LRRTM4: variants seen among roughly 807,000 people sequenced by gnomAD.
LRRTM4 encodes leucine rich repeat transmembrane neuronal 4.
In LRRTM4, 25 loss-of-function variants were observed where a neutral mutation model predicts 47.6. The ratio of observed to expected loss-of-function variants is 0.53; its 90% confidence interval spans 0.38 to 0.73. The LOEUF is 0.73. Ranked by LOEUF, LRRTM4 falls within the 30% of genes least tolerant of loss-of-function variation. LRRTM4 has a pLI of 0.00. For synonymous variants in LRRTM4, 311 were observed against 269.5 expected (o/e 1.15, Z -1.51); for missense variants, 638 against 713.4 (o/e 0.89, Z 1.20).
intron 3 of LRRTM4, among the ~76,000 whole-genome samples, chr2:77,222,702 G>C (rs1244752776): frequency 6.6e-6 from 1 of 152,144 alleles, no homozygotes; most frequent in Non-Finnish European, 1.5e-5. Flanking sequence ...CTCCGAAATT[G>C]AGGCAATAAT....
intron 3 of LRRTM4, among the ~76,000 whole-genome samples, chr2:77,254,387 A>C (rs1675705829): frequency 6.6e-6 from 1 of 151,924 alleles, no homozygotes; most frequent in South Asian, 2.1e-4. Flanking sequence ...AACAAAACAA[A>C]ACAAAAGTGA....
chr2:76,817,880 G>A (rs1254683663), intron 3 of LRRTM4, among the ~76,000 whole-genome samples: 1 of 151,840 alleles, frequency 6.6e-6, no homozygotes, highest in African/African-American at 2.4e-5. Flanking sequence ...GAAAAGATTG[G>A]TTTTCTTCTC....
intron 3 of LRRTM4, among the ~76,000 whole-genome samples, chr2:77,091,246 TC>T (rs776151825): frequency 0.027 from 3,744 of 137,862 alleles, 19 homozygotes; most frequent in African/African-American, 0.033. Context: ...TCCTCTTGTA[TC>T]CCCCCACCTT....
At chr2:77,159,405 G>A (rs888241870) in intron 3 of LRRTM4, among the ~76,000 whole-genome samples, 1 of 151,632 alleles carries the variant, frequency 6.6e-6, no homozygotes, top group Non-Finnish European at 1.5e-5. Context: ...ATAGCATTAG[G>A]AGATATACCT....
intron 3 of LRRTM4, among the ~76,000 whole-genome samples, chr2:77,508,566 C>T (rs1647858242): frequency 6.6e-6 from 1 of 151,894 alleles, no homozygotes; most frequent in African/African-American, 2.4e-5. Context: ...TCTTTTTTGT[C>T]TTTATGGGGT....
chr2:77,061,061 T>A (rs2103799695), intron 3 of LRRTM4, among the ~76,000 whole-genome samples: 1 of 151,846 alleles, frequency 6.6e-6, no homozygotes, highest in East Asian at 1.9e-4. Context: ...GTCCTAGTTT[T>A]GCCACTTCCT....
intron 3 of LRRTM4, among the ~76,000 whole-genome samples, chr2:76,918,781 G>A (rs2103801875): frequency 6.6e-6 from 1 of 152,096 alleles, no homozygotes; most frequent in Admixed American, 6.5e-5. Flanking sequence ...TTTGGCCAAT[G>A]GAACTTAAGA....
At chr2:77,101,709 C>T (rs952850927) in intron 3 of LRRTM4, among the ~76,000 whole-genome samples, 2 of 152,080 alleles carry the variant, frequency 1.3e-5, no homozygotes, top group Non-Finnish European at 2.9e-5. Context: ...ATTCAGATAA[C>T]GTTATCAGCT....
intron 3 of LRRTM4, among the ~76,000 whole-genome samples, chr2:77,307,056 C>T (rs1573226755): frequency 1.3e-5 from 2 of 151,750 alleles, no homozygotes; most frequent in South Asian, 2.1e-4. Context: ...CCCACCACCA[C>T]GCCCGGCTAA....
chr2:77,014,067 T>G lies in LRRTM4; in HGVS notation c.1552-265151A>C, dbSNP rs1205623030. On this transcript the variant is annotated intron_variant, in intron 3 of 3. Coordinates refer to ENST00000409884, the MANE Select transcript of LRRTM4 (RefSeq NM_001134745.3). ...GTGTGTTTTGAGTATGATGAGAGAG[T>G]ATGATTAATATGATCAAATCTGCAT... is the stretch of plus-strand genomic sequence containing the variant. Among the ~76,000 whole-genome samples, 3 of 152,058 alleles carry G rather than the reference T, an allele frequency of 2.0e-5. No individual in the cohort carries two copies. In the East Asian group the frequency reaches 5.8e-4, roughly 29 times the overall value.
intron 3 of LRRTM4, among the ~76,000 whole-genome samples, chr2:77,130,658 C>T (rs994028716): frequency 6.7e-6 from 1 of 149,600 alleles, no homozygotes; most frequent in Admixed American, 6.7e-5. Context: ...ACTACAGGCG[C>T]CGGCCACCAC....
At position 77,078,380 on chromosome 2, in the gene LRRTM4, C is replaced by CCACACACA. The variant is rs59703273; in HGVS notation, c.1552-329472_1552-329465dup. On this transcript the variant is annotated intron_variant, in intron 3 of 3. Transcript: ENST00000409884. ...ATATGTTTGTCTATTACACACACAC[C>CCACACACA]CACACACACACACACACACACACAC... Among the ~76,000 whole-genome samples the CCACACACA allele has an allele frequency of 5.5e-3, 768 of 139,338 alleles. 3 individuals are homozygous for CCACACACA. Among genetic ancestry groups the CCACACACA allele is most frequent in the Middle Eastern group, 0.015 (4 of 268 alleles). The allele number at this position is 139,338 out of a possible 152,430, so 91.4% of individuals were successfully genotyped here.
chr2:77,455,875 A>G (rs1281942940), intron 3 of LRRTM4, among the ~76,000 whole-genome samples: 1 of 152,090 alleles, frequency 6.6e-6, no homozygotes, highest in Non-Finnish European at 1.5e-5. Flanking sequence ...ACTCTCCACC[A>G]TTCCAGAATA....
chr2:77,096,144 CA>C (rs1558578193), intron 3 of LRRTM4, among the ~76,000 whole-genome samples: 2 of 151,664 alleles, frequency 1.3e-5, no homozygotes, highest in African/African-American at 4.8e-5. Flanking sequence ...TAAATATAAT[CA>C]TTTTTTAATT....
At chr2:77,407,581 AATATG>A (rs1448086787) in intron 3 of LRRTM4, among the ~76,000 whole-genome samples, 1 of 144,798 alleles carries the variant, frequency 6.9e-6, no homozygotes, top group Admixed American at 7.1e-5. Context: ...ATACATACAT[AATATG>A]ATATATTTGT....
chr2:77,455,651 A>ACT (rs974918647), intron 3 of LRRTM4, among the ~76,000 whole-genome samples: 1 of 149,832 alleles, frequency 6.7e-6, no homozygotes, highest in Non-Finnish European at 1.5e-5. Context: ...GCTACTGGTC[A>ACT]CTCTCTCTCA....
intron 3 of LRRTM4, among the ~76,000 whole-genome samples, chr2:76,833,582 A>G (rs1435758781): frequency 6.6e-6 from 1 of 151,100 alleles, no homozygotes; most frequent in African/African-American, 2.4e-5. Context: ...TTATATTCAT[A>G]ATATATTACC....
In LRRTM4 at chr2:76,846,503, A is replaced by C. The variant is rs1393581515; in HGVS notation, c.1552-97587T>G. 3.3e-5 allele frequency among the ~76,000 whole-genome samples: 5 copies of C among 152,314 alleles called. No individual in the cohort carries two copies. The South Asian group carries it at 1.0e-3, about 32-fold the overall frequency. On this transcript the variant is annotated intron_variant, in intron 3 of 3. Coordinates refer to ENST00000409884, the MANE Select transcript of LRRTM4 (RefSeq NM_001134745.3). ...TATGTACATTCTAACATCTGTTAGA[A>C]TCTTTCAATATCTACCCAAGTATCA...
At chr2:76,850,561 G>C (rs1671962900) in intron 3 of LRRTM4, among the ~76,000 whole-genome samples, 1 of 152,098 alleles carries the variant, frequency 6.6e-6, no homozygotes, top group African/African-American at 2.4e-5. Flanking sequence ...TTAAGCAAGG[G>C]ATATAAGAGC....
Sources: allele counts gnomAD v4.1 joint callset (sites outside exome capture counted in the v4.1 genomes callset), GRCh38; gene constraint gnomAD v4.1.1; transcripts MANE v1.5; gene names NCBI Gene and HGNC (gene_info 2026-07-23, HGNC 2026-07-21).